The following UNC13D variants were observed in gnomAD, a reference collection of about 807,000 sequenced individuals.
The protein encoded by UNC13D is protein unc-13 homolog D.
In UNC13D, 115 loss-of-function variants were observed where a neutral mutation model predicts 151.7. The observed-to-expected ratio is 0.76, with a 90% CI of 0.65 to 0.88. The LOEUF (loss-of-function observed/expected upper bound fraction) is 0.88. UNC13D is among the 40% of genes least tolerant of loss of function. The probability of loss-of-function intolerance (pLI) is 0.00; values close to 1 mark genes in which losing one functional copy is unlikely to be tolerated. For synonymous variants in UNC13D, 588 were observed against 612.2 expected (o/e 0.96, Z 0.58); for missense variants, 1,369 against 1,438.7 (o/e 0.95, Z 0.78).
At position 75,836,413 on chromosome 17, in the gene UNC13D, A is replaced by T. The variant is rs1273385601; in HGVS notation, c.1315T>A (p.Cys439Ser). Residue 439 changes from cysteine (C) to serine (S), a missense_variant, in exon 15 of 32, where the codon TGC (cysteine) becomes AGC (serine). Transcript: ENST00000207549. Reference sequence around the variant, plus strand: ...AGTTCTCCAAAGGCCTTCATCTTGCACATCTGTACCAGGACCCTGCAAGAT... The same window carrying T: ...AGTTCTCCAAAGGCCTTCATCTTGCTCATCTGTACCAGGACCCTGCAAGAT... ...QSLLRVLVQMCKMKAFGELCP... is the reference protein window; with the variant it reads ...QSLLRVLVQMSKMKAFGELCP... The T allele has an allele frequency of 1.9e-6, 3 of 1,613,410 alleles. No homozygotes were observed. In the East Asian group the frequency reaches 6.7e-5, roughly 36 times the overall value.
In UNC13D at chr17:75,832,844, C is replaced by T. The variant is rs753805275; in HGVS notation, c.2447+122G>A. On this transcript the variant is annotated intron_variant, in intron 25 of 31. Coordinates refer to ENST00000207549, the MANE Select transcript of UNC13D (RefSeq NM_199242.3). The surrounding 1 kb of genome is among the most constrained non-coding windows in gnomAD (Gnocchi z 4.3). ...GCCGTGGGAGGAGAGGGGGAGGTGG[C>T]GAGCGCGCCCAGGGCAGGGGCTGCT... 16 of 930,562 alleles carry T rather than the reference C, an allele frequency of 1.7e-5. No individual in the cohort carries two copies. The highest frequency in any genetic ancestry group is 3.3e-5 in the African/African-American group (2 of 60,400). 57.6% of individuals were successfully genotyped at this position (930,562 alleles called of 1,614,324 possible). A position where few individuals can be genotyped will look rare whatever the true frequency, so the allele number is the denominator to read the frequency against.
At chr17:75,828,164 G>T (rs973190008) in intron 31 of UNC13D, 78 bp from the exon 32 acceptor site, 4 of 1,520,456 alleles carry the variant, frequency 2.6e-6, no homozygotes, top group Non-Finnish European at 3.6e-6. Context: ...AGTGTGTGGG[G>T]GGGTACACAA....
Position 75,843,156 on chromosome 17 carries a change from C to G in UNC13D, c.261+3G>C, listed in dbSNP as rs752587161. ...AGGGGGGTGGGGTGGGAGCCGGGCT[C>G]ACCTCCTGCAGGTATCGCAGCAGCT... On this transcript the variant is annotated splice_donor_region_variant and intron_variant, in intron 3 of 31. Transcript: ENST00000207549. 1 of 1,611,612 alleles carries G rather than the reference C, an allele frequency of 6.2e-7. No homozygotes were observed. Among genetic ancestry groups the G allele is most frequent in the African/African-American group, 1.3e-5 (1 of 74,870 alleles).
chr17:75,831,094 C>CG lies in UNC13D; in HGVS notation c.2625+3_2625+4insC. On this transcript the variant is annotated splice_donor_region_variant and intron_variant, in intron 27 of 31. Coordinates refer to ENST00000207549, the MANE Select transcript of UNC13D (RefSeq NM_199242.3). ...CTACGGGGAAGCTCACCCAAAGCCC[C>CG]TACCTGGAAGGTGGCAGTGTGCAGG... 1 of 1,613,910 alleles carries CG rather than the reference C, an allele frequency of 6.2e-7. No individual in the cohort carries two copies. Among genetic ancestry groups the CG allele is most frequent in the Non-Finnish European group, 8.5e-7 (1 of 1,180,026 alleles).
chr17:75,840,942 G>A lies in UNC13D; in HGVS notation c.614+15C>T. 6.2e-7 allele frequency: 1 copy of A among 1,614,070 alleles called. No individual in the cohort carries two copies. The highest frequency in any genetic ancestry group is 8.5e-7 in the Non-Finnish European group (1 of 1,180,028). On this transcript the variant is annotated intron_variant, in intron 7 of 31. Coordinates refer to ENST00000207549, the MANE Select transcript of UNC13D (RefSeq NM_199242.3). This position sits in a 1 kb window ranked among gnomAD's most constrained non-coding sequence, Gnocchi z 4.6. ...CCTTCCCTTCCCATCCCTAGGGGCA[G>A]GCCAGGTCACTCACCACATGTCCAG...
rs760442973 is a variant in UNC13D, at chr17:75,827,951, G to A, written c.*14C>T. 12 of 1,608,094 alleles carry A rather than the reference G, an allele frequency of 7.5e-6. No homozygotes were observed. Among genetic ancestry groups the A allele is most frequent in the Admixed American group, 5.0e-5 (3 of 59,784 alleles). Reference sequence around the variant, plus strand: ...TCCCCACCGGGGACCCAGCCCCACCGCAAACCTCTACGGCTACGGTGCCGG... The same window carrying A: ...TCCCCACCGGGGACCCAGCCCCACCACAAACCTCTACGGCTACGGTGCCGG... On this transcript the variant is annotated 3_prime_UTR_variant, in exon 32 of 32. Transcript: ENST00000207549.
Position 75,840,710 on chromosome 17 carries a change from T to A in UNC13D, c.683+52A>T. On this transcript the variant is annotated intron_variant, in intron 8 of 31. Transcript: ENST00000207549. This position sits in a 1 kb window ranked among gnomAD's most constrained non-coding sequence, Gnocchi z 4.6. ...AGCATCCAGTGTGCATGTTGGGGGA[T>A]GGAGGGCAAAAGGAGCCCCAACCCC... The A allele has an allele frequency of 6.2e-7, 1 of 1,612,850 alleles. No individual in the cohort carries two copies. Among genetic ancestry groups the A allele is most frequent in the African/African-American group, 1.3e-5 (1 of 74,986 alleles).
intron 19 of UNC13D, 38 bp downstream of exon 19, chr17:75,835,609 G>A (rs990565288): frequency 1.2e-6 from 2 of 1,612,614 alleles, no homozygotes; most frequent in Non-Finnish European, 1.7e-6. Context: ...CCCCTCCCCT[G>A]TGCCCCTGCA....
chr17:75,842,082 T>C (rs149354648), intron 6 of UNC13D, among the ~76,000 whole-genome samples: 3,158 of 152,216 alleles, frequency 0.021, 104 homozygotes, highest in African/African-American at 0.068. Context: ...GGTTTTGCCA[T>C]GTTGGCCAGG....
Position 75,836,258 on chromosome 17 carries a change from T to C in UNC13D, c.1390-2A>G. The C allele has an allele frequency of 6.2e-7, 1 of 1,612,940 alleles. No homozygotes were observed. The highest frequency in any genetic ancestry group is 1.1e-5 in the South Asian group (1 of 90,934). The stretch of plus-strand genomic sequence containing the variant: ...GTGGAACCATTCAGTGGTGCCAGTC[T>C]GTCGACAAAGAGGCAGTGAGCAGGG... On this transcript the variant is annotated splice_acceptor_variant, in intron 15 of 31. Transcript: ENST00000207549. LOFTEE classifies it high-confidence loss of function.
chr17:75,830,367 G>A lies in UNC13D; in HGVS notation c.2825C>T (p.Ser942Phe). ...LSASSLLPLDSNGSSDPFVQL... is the reference protein window; with the variant it reads ...LSASSLLPLDFNGSSDPFVQL... Reference sequence around the variant, plus strand: ...CAAAGGCAGCCTCCACTCACCATTGGAGTCCAGGGGCAGCAGGCTGGAGGC... The same window carrying A: ...CAAAGGCAGCCTCCACTCACCATTGAAGTCCAGGGGCAGCAGGCTGGAGGC... The change falls in exon 29 of 32, where the codon TCC becomes TTC. Residue 942 changes from serine to phenylalanine, a missense_variant. Physicochemically the swap from Ser to Phe is radical, Grantham distance 155. This residue lies in a region of UNC13D where 807 missense variants were observed against 795.5 expected (regional missense o/e 1.01). Coordinates refer to ENST00000207549, the MANE Select transcript of UNC13D (RefSeq NM_199242.3). 1 of 1,593,100 alleles carries A rather than the reference G, an allele frequency of 6.3e-7. No homozygotes were observed.
In UNC13D at chr17:75,833,983, G is replaced by T; in HGVS notation, c.2367+92C>A. ...GAGAGAACATGCTTTGCCTGGTCTGGGGGACTTATCTTTGACACCAAGGCC... is the reference window on the plus strand; with the variant it reads ...GAGAGAACATGCTTTGCCTGGTCTGTGGGACTTATCTTTGACACCAAGGCC... On this transcript the variant is annotated intron_variant, in intron 24 of 31. Coordinates refer to ENST00000207549, the MANE Select transcript of UNC13D (RefSeq NM_199242.3). This position sits in a 1 kb window ranked among gnomAD's most constrained non-coding sequence, Gnocchi z 4.0. The T allele has an allele frequency of 6.6e-7, 1 of 1,509,940 alleles. No individual in the cohort carries two copies. The highest frequency in any genetic ancestry group is 9.2e-7 in the Non-Finnish European group (1 of 1,090,348). 93.5% of individuals were successfully genotyped at this position (1,509,940 alleles called of 1,614,324 possible).
intron 29 of UNC13D, 61 bp from the exon 30 acceptor site, chr17:75,830,212 G>A (rs546158627): frequency 3.2e-6 from 5 of 1,563,508 alleles, no homozygotes; most frequent in Non-Finnish European, 4.3e-6. Flanking sequence ...CACCCCAGCA[G>A]CTATGCTCTG....
rs1176453125 is a variant in UNC13D at position 75,835,723 on chromosome 17, C to G, written c.1651G>C (p.Glu551Gln). 2 of 1,613,770 alleles carry G rather than the reference C, an allele frequency of 1.2e-6. No individual in the cohort carries two copies. The highest frequency in any genetic ancestry group is 1.7e-6 in the Non-Finnish European group (2 of 1,180,036). ...TTVVGDVVSP[E>Q]MGESLFQLYI... The stretch of plus-strand genomic sequence containing the variant: ...AGCTGGAACAGACTCTCGCCCATCT[C>G]TGGGGACACTACATCACCCACAACC... The change falls in exon 19 of 32, where the codon GAG (glutamate) becomes CAG (glutamine). Residue 551 changes from glutamate (E) to glutamine (Q), a missense_variant. Physicochemically the swap from Glu to Gln is conservative, Grantham distance 29. Around this residue, in one of 3 missense-constraint regions of UNC13D, gnomAD observed 807 missense variants for 795.5 expected, o/e 1.01. Coordinates refer to ENST00000207549, the MANE Select transcript of UNC13D (RefSeq NM_199242.3).
intron 1 of UNC13D, 157 bp downstream of exon 1, chr17:75,844,063 GC>G (rs773613002): frequency 6.2e-6 from 9 of 1,458,184 alleles, no homozygotes; most frequent in Non-Finnish European, 8.2e-6. Context: ...CCCCTGCTCT[GC>G]TGGCCCAGGG....
intron 12 of UNC13D, 36 bp downstream of exon 12, chr17:75,839,803 G>A (rs1205339051): frequency 1.1e-5 from 17 of 1,608,390 alleles, no homozygotes; most frequent in Non-Finnish European, 1.4e-5. Flanking sequence ...TGGGGGGCTG[G>A]TGGCTCAGGG....
chr17:75,842,022 T>C (rs758948121), intron 6 of UNC13D, among the ~76,000 whole-genome samples: 1 of 151,128 alleles, frequency 6.6e-6, no homozygotes, highest in Admixed American at 6.6e-5. Flanking sequence ...GCTGGGATTA[T>C]AGGCGTGAGC....
At position 75,831,252 on chromosome 17, in the gene UNC13D, A is replaced by G; in HGVS notation, c.2544T>C (p.Ile848=). ...TGACCGGTTCTGTTACCTGCAGGGC[A>G]ATCTTCAGCCTGTTGGAAGCCAGGG... ...SSSLASNRLK[I]ALQNLEICFH... is the part of the protein sequence containing the mutation. Residue 848 remains isoleucine, a synonymous_variant, in exon 26 of 32, where the codon ATT becomes ATC. Transcript: ENST00000207549. 6.2e-7 allele frequency: 1 copy of G among 1,614,100 alleles called. No homozygotes were observed. Among genetic ancestry groups the G allele is most frequent in the South Asian group, 1.1e-5 (1 of 91,088 alleles).
chr17:75,834,545 G>C lies in UNC13D; in HGVS notation c.2092-14C>G. ...CACCACACACAGCTGGGACAGAGAT[G>C]CAGAGCTTCCTGAACTGTGCCCAGG... On this transcript the variant is annotated splice_polypyrimidine_tract_variant and intron_variant, in intron 22 of 31. Transcript: ENST00000207549. The C allele has an allele frequency of 6.2e-7, 1 of 1,603,664 alleles. No individual in the cohort carries two copies.
Sources: gnomAD v4.1 joint callset for allele counts (sites outside exome capture counted in the v4.1 genomes callset) on GRCh38, gnomAD v4.1.1 for gene constraint, gnomAD v4.1.1 regional missense constraint, Gnocchi (gnomAD v3.1) non-coding constraint, MANE v1.5 for transcripts, NCBI Gene and HGNC (gene_info 2026-07-23, HGNC 2026-07-21) for gene names.